The following INIP variants were observed in gnomAD, a reference collection of about 807,000 sequenced individuals.
The protein encoded by INIP is INTS3 and NABP interacting protein.
A neutral mutation model predicts 14.0 loss-of-function variants in INIP; 9 were observed. The ratio of observed to expected loss-of-function variants is 0.64; its 90% CI spans 0.39 to 1.12. INIP has a LOEUF of 1.12. Among genes scored for constraint, INIP ranks in the 50% most tolerant of loss-of-function variants. INIP has a pLI of 0.01. For missense variants in INIP, 78 were observed against 122.7 expected (o/e 0.64, Z 1.72); for synonymous variants, 37 against 41.5 (o/e 0.89, Z 0.41).
chr9:112,714,800 A>G (rs560183602), intron 2 of INIP, among the ~76,000 whole-genome samples: 1 of 152,322 alleles, frequency 6.6e-6, no homozygotes, highest in African/African-American at 2.4e-5. Context: ...ACAGGGATAC[A>G]TTCTGAGAAA....
chr9:112,706,505 C>T (rs915211314), intron 2 of INIP, among the ~76,000 whole-genome samples: 6 of 152,036 alleles, frequency 3.9e-5, no homozygotes, highest in Non-Finnish European at 8.8e-5. Context: ...CCTCCTGCCT[C>T]AGACTCCCAA....
At chr9:112,716,839 C>T (rs1838835375) in intron 1 of INIP, among the ~76,000 whole-genome samples, 1 of 151,552 alleles carries the variant, frequency 6.6e-6, no homozygotes, top group Non-Finnish European at 1.5e-5. Flanking sequence ...CCTGCAGTCC[C>T]AGCTACTCGG....
chr9:112,702,885 G>A (rs1204962672), intron 2 of INIP, among the ~76,000 whole-genome samples: 1 of 152,016 alleles, frequency 6.6e-6, no homozygotes, highest in Non-Finnish European at 1.5e-5. Flanking sequence ...AATGCTAAGA[G>A]TATGATGTAA....
chr9:112,693,150 G>A (rs1039142283), intron 3 of INIP, among the ~76,000 whole-genome samples: 4 of 152,004 alleles, frequency 2.6e-5, no homozygotes. Context: ...AGGAAATGAA[G>A]GGAACTAGAA....
rs1430737222 is a variant in INIP, at chr9:112,684,653, T to C, written c.*2885A>G. ...TATTTCTATATGCAGTACACTCAGA[T>C]GTTTTTGATTTTTTCGGAAAAAATG... On this transcript the variant is annotated 3_prime_UTR_variant, in exon 5 of 5. Coordinates refer to ENST00000374242, the MANE Select transcript of INIP (RefSeq NM_021218.3). 6.6e-6 allele frequency: 1 copy of C among 152,234 alleles called. No individual in the cohort carries two copies. The highest frequency in any genetic ancestry group is 1.5e-5 in the Non-Finnish European group (1 of 68,044). 9.4% of individuals were successfully genotyped at this position (152,234 alleles called of 1,614,324 possible). A position where few individuals can be genotyped will look rare whatever the true frequency, so the allele number is the denominator to read the frequency against.
At chr9:112,694,362 G>A (rs1838005007) in intron 2 of INIP, 129 bp from the exon 3 acceptor site, 1 of 612,750 alleles carries the variant, frequency 1.6e-6, no homozygotes, top group African/African-American at 1.9e-5. Context: ...ACATGATAAT[G>A]AATTCACCAG....
chr9:112,708,603 T>C (rs1437690143), intron 2 of INIP, among the ~76,000 whole-genome samples: 3 of 152,204 alleles, frequency 2.0e-5, no homozygotes, highest in African/African-American at 7.2e-5. Flanking sequence ...TACCCAAAAT[T>C]CGTGGCTTAA....
intron 2 of INIP, among the ~76,000 whole-genome samples, chr9:112,695,371 C>T (rs528107490): frequency 6.6e-5 from 10 of 151,568 alleles, no homozygotes; most frequent in African/African-American, 2.4e-4. Context: ...GACCTAGGCA[C>T]TCCTAAGGGT....
rs1038712568 is a variant in INIP at position 112,689,758 on chromosome 9, T to C, written c.129-141A>G. 3 of 587,010 alleles carry C rather than the reference T, an allele frequency of 5.1e-6. No individual in the cohort carries two copies. In the African/African-American group the frequency reaches 5.6e-5, roughly 11 times the overall value. The allele number at this position is 587,010 out of a possible 1,614,324, so 36.4% of individuals were successfully genotyped here. On this transcript the variant is annotated intron_variant, in intron 3 of 4. Transcript: ENST00000374242. ...CATATACTTCCAGTGTACAATATGATGTTTTAGTATTTGTATTTGTTGTGA... is the reference window on the plus strand; with the variant it reads ...CATATACTTCCAGTGTACAATATGACGTTTTAGTATTTGTATTTGTTGTGA...
intron 2 of INIP, among the ~76,000 whole-genome samples, chr9:112,701,262 C>T (rs886238359): frequency 1.3e-5 from 2 of 152,080 alleles, no homozygotes; most frequent in Non-Finnish European, 2.9e-5. Context: ...AAGCCAAGAT[C>T]GTGCCACTGC....
rs74864864 is a variant in INIP at position 112,711,061 on chromosome 9, G to A, written c.25+5400C>T. Among the ~76,000 whole-genome samples, 408 of 151,692 alleles carry A rather than the reference G, an allele frequency of 2.7e-3. 3 individuals are homozygous for A. Among genetic ancestry groups the A allele is most frequent in the African/African-American group, 9.2e-3 (381 of 41,386 alleles). Reference sequence around the variant, plus strand: ...AAATTAGCCAGGCGTGGTAGCATGTGCCTATAGTCTCAGCTACTTGGGATG... The same window carrying A: ...AAATTAGCCAGGCGTGGTAGCATGTACCTATAGTCTCAGCTACTTGGGATG... On this transcript the variant is annotated intron_variant, in intron 2 of 4. Coordinates refer to ENST00000374242, the MANE Select transcript of INIP (RefSeq NM_021218.3).
intron 2 of INIP, among the ~76,000 whole-genome samples, chr9:112,700,500 A>G (rs1428401883): frequency 1.4e-5 from 2 of 147,736 alleles, no homozygotes; most frequent in East Asian, 1.9e-4. Context: ...CATCTCCAAA[A>G]AGACTTATAA....
At chr9:112,703,690 A>G (rs1479318813) in intron 2 of INIP, among the ~76,000 whole-genome samples, 5 of 152,124 alleles carry the variant, frequency 3.3e-5, no homozygotes, top group Non-Finnish European at 7.3e-5. Context: ...TAATCCTTCC[A>G]CCTCAGCCTC....
At position 112,688,489 on chromosome 9, in the gene INIP, T is replaced by TA. The variant is rs201986556; in HGVS notation, c.220-857dup. 6.1e-3 allele frequency among the ~76,000 whole-genome samples: 824 copies of TA among 135,330 alleles called. 9 individuals are homozygous for TA. Among genetic ancestry groups the TA allele is most frequent in the African/African-American group, 0.013 (457 of 36,280 alleles). The allele number at this position is 135,330 out of a possible 152,430, so 88.8% of individuals were successfully genotyped here. ...ACCACCAGTAACTTCCCTCTGTCATTAAAAAAAAAAAAAAAAGACTGTTTT... is the reference window on the plus strand; with the variant it reads ...ACCACCAGTAACTTCCCTCTGTCATTAAAAAAAAAAAAAAAAAGACTGTTTT... On this transcript the variant is annotated intron_variant, in intron 4 of 4. Transcript: ENST00000374242.
Position 112,687,510 on chromosome 9 carries a change from A to G in INIP, c.*28T>C. Reference sequence around the variant, plus strand: ...GTAGCTTTGGCATTTGATATTACAAAGTCACTTTTCCATCGCAAATGTTTT... The same window carrying G: ...GTAGCTTTGGCATTTGATATTACAAGGTCACTTTTCCATCGCAAATGTTTT... On this transcript the variant is annotated 3_prime_UTR_variant, in exon 5 of 5. Transcript: ENST00000374242. 7.2e-7 allele frequency: 1 copy of G among 1,395,714 alleles called. No individual in the cohort carries two copies. The highest frequency in any genetic ancestry group is 1.0e-6 in the Non-Finnish European group (1 of 984,114). The allele number at this position is 1,395,714 out of a possible 1,614,324, so 86.5% of individuals were successfully genotyped here. A position where few individuals can be genotyped will look rare whatever the true frequency, so the allele number is the denominator to read the frequency against.
At position 112,710,636 on chromosome 9, in the gene INIP, C is replaced by T. The variant is rs137975599; in HGVS notation, c.25+5825G>A. ...AATTTAGCAGTCCTGATTACTATGA[C>T]GGCATGAAAGACTGCTAGATCTGAA... On this transcript the variant is annotated intron_variant, in intron 2 of 4. Transcript: ENST00000374242. Among the ~76,000 whole-genome samples the T allele has an allele frequency of 3.9e-5, 6 of 152,238 alleles. No homozygotes were observed. The East Asian group carries it at 1.2e-3, about 29-fold the overall frequency.
intron 2 of INIP, among the ~76,000 whole-genome samples, chr9:112,701,179 G>T (rs1401013309): frequency 6.6e-6 from 1 of 152,078 alleles, no homozygotes; most frequent in African/African-American, 2.4e-5. Context: ...GTGGTGGCAG[G>T]CACCTGTAAT....
In INIP at chr9:112,687,511, G is replaced by A. The variant is rs1367749394; in HGVS notation, c.*27C>T. On this transcript the variant is annotated 3_prime_UTR_variant, in exon 5 of 5. Transcript: ENST00000374242. ...TAGCTTTGGCATTTGATATTACAAA[G>A]TCACTTTTCCATCGCAAATGTTTTC... 9.9e-6 allele frequency: 14 copies of A among 1,413,868 alleles called. No individual in the cohort carries two copies. Among genetic ancestry groups the A allele is most frequent in the Admixed American group, 3.4e-5 (2 of 59,412 alleles). The allele number at this position is 1,413,868 out of a possible 1,614,324, so 87.6% of individuals were successfully genotyped here. A position where few individuals can be genotyped will look rare whatever the true frequency, so the allele number is the denominator to read the frequency against.
In INIP at chr9:112,689,572, G is replaced by A. The variant is rs142895110; in HGVS notation, c.174C>T (p.His58=). ...RPSLNKDFRD[H]AEQQHIAAQQ... ...GGGCTGCAATATGCTGCTGCTCAGC[G>A]TGATCCCGGAAGTCCTTATTAAGAG... Residue 58 remains histidine (H), a synonymous_variant, in exon 4 of 5, where the codon CAC becomes CAT. Coordinates refer to ENST00000374242, the MANE Select transcript of INIP (RefSeq NM_021218.3). 8.7e-5 allele frequency: 140 copies of A among 1,614,064 alleles called. No homozygotes were observed. The highest frequency in any genetic ancestry group is 1.1e-4 in the Non-Finnish European group (132 of 1,180,032).
Sources: allele counts gnomAD v4.1 joint callset (sites outside exome capture counted in the v4.1 genomes callset), GRCh38; gene constraint gnomAD v4.1.1; transcripts MANE v1.5; gene names NCBI Gene and HGNC (gene_info 2026-07-23, HGNC 2026-07-21).